SLC25A48: variants seen among roughly 807,000 people sequenced by gnomAD.
SLC25A48 encodes solute carrier family 25 member 48.
In SLC25A48, 29 loss-of-function variants were observed where a neutral mutation model predicts 32.2. That is an observed-to-expected ratio of 0.90 (90% CI 0.67 to 1.23). The LOEUF (loss-of-function observed/expected upper bound fraction) is 1.23. Ranked by LOEUF, SLC25A48 falls within the 50% of genes most tolerant of loss-of-function variation. SLC25A48 has a pLI of 0.00. For synonymous variants in SLC25A48, 164 were observed against 172.3 expected (o/e 0.95, Z 0.38); for missense variants, 399 against 422.7 (o/e 0.94, Z 0.49).
chr5:135,782,722 C>A lies in SLC25A48; in HGVS notation c.-520-29801C>A, dbSNP rs185911762. Among the ~76,000 whole-genome samples, 118 of 118,198 alleles carry A rather than the reference C, an allele frequency of 1.0e-3. 13 individuals carry two copies. The highest frequency in any genetic ancestry group is 2.8e-3 in the African/African-American group (109 of 38,916). The allele number at this position is 118,198 out of a possible 152,430, so 77.5% of individuals were successfully genotyped here. On this transcript the variant is annotated intron_variant, in intron 3 of 10. Transcript: ENST00000646290. ...TACTCCCAATAATGCAGGAGATGTA[C>A]ACTCCCACTATGATATTATTTCTAG...
chr5:135,620,987 T>A (rs948963886), intron 1 of SLC25A48, among the ~76,000 whole-genome samples: 1 of 152,184 alleles, frequency 6.6e-6, no homozygotes, highest in Non-Finnish European at 1.5e-5. Context: ...TCCTTCTCCT[T>A]CCAGATGATC....
chr5:135,767,940 T>G, intron 3 of SLC25A48, among the ~76,000 whole-genome samples: 1 of 146,936 alleles, frequency 6.8e-6, no homozygotes, highest in Non-Finnish European at 1.5e-5. Flanking sequence ...ACCCCTGTGA[T>G]ATTGTTTGTA....
intron 2 of SLC25A48, among the ~76,000 whole-genome samples, chr5:135,843,016 A>G (rs894872287): frequency 1.3e-5 from 2 of 152,120 alleles, no homozygotes; most frequent in Admixed American, 1.3e-4. Context: ...AGCCTCACAG[A>G]CCGTTTTCAA....
At chr5:135,597,950 G>A (rs529212771) in intron 1 of SLC25A48, among the ~76,000 whole-genome samples, 1 of 152,140 alleles carries the variant, frequency 6.6e-6, no homozygotes, top group Non-Finnish European at 1.5e-5. Flanking sequence ...GTTGCAGTGA[G>A]CTGAGACTGT....
At chr5:135,872,768 T>C (rs1761757153) in intron 5 of SLC25A48, 1 of 152,440 alleles carries the variant, frequency 6.6e-6, no homozygotes, top group African/African-American at 2.4e-5. Flanking sequence ...AAATCATGAA[T>C]CATCCTCCTC....
chr5:135,763,849 C>G (rs1756128122), intron 3 of SLC25A48, among the ~76,000 whole-genome samples: 1 of 151,996 alleles, frequency 6.6e-6, no homozygotes. Context: ...CAGCATCCGT[C>G]TCAATTTGTG....
In SLC25A48 at chr5:135,888,502, A is replaced by T. The variant is rs1327938535; in HGVS notation, c.*478A>T. 1 of 175,090 alleles carries T rather than the reference A, an allele frequency of 5.7e-6. No individual in the cohort carries two copies. Among genetic ancestry groups the T allele is most frequent in the Admixed American group, 5.7e-5 (1 of 17,514 alleles). 10.8% of individuals were successfully genotyped at this position (175,090 alleles called of 1,614,324 possible). ...TCCTGCACCCGTGGATCCTGAGGAC[A>T]GCGGTAGCGCCTTCCTCACCGCACG... is the stretch of plus-strand genomic sequence containing the variant. On this transcript the variant is annotated 3_prime_UTR_variant, in exon 8 of 8. Coordinates refer to ENST00000681962, the MANE Select transcript of SLC25A48 (RefSeq NM_001349336.2).
At chr5:135,837,151 C>G (rs1758605985) in intron 1 of SLC25A48, among the ~76,000 whole-genome samples, 1 of 152,034 alleles carries the variant, frequency 6.6e-6, no homozygotes, top group Non-Finnish European at 1.5e-5. Flanking sequence ...TAAGCCTGCC[C>G]TGAGCTGAAG....
chr5:135,886,298 AC>A (rs1554088409), intron 7 of SLC25A48, among the ~76,000 whole-genome samples: 2 of 99,606 alleles, frequency 2.0e-5, no homozygotes, highest in Admixed American at 1.0e-4. Context: ...CCCCTGCCAC[AC>A]CCCCTCCCCC....
chr5:135,776,113 T>C (rs181791906), intron 3 of SLC25A48, among the ~76,000 whole-genome samples: 1 of 151,568 alleles, frequency 6.6e-6, no homozygotes, highest in East Asian at 2.0e-4. Flanking sequence ...TGTTCCTAAT[T>C]CCAGGAAAGG....
intron 3 of SLC25A48, among the ~76,000 whole-genome samples, chr5:135,753,375 C>T (rs13163866): frequency 0.24 from 36,706 of 151,618 alleles, 4,838 homozygotes; most frequent in East Asian, 0.45. Context: ...GGACGTTATG[C>T]TTAGTATCAC....
chr5:135,867,131 A>C (rs1761263906), intron 4 of SLC25A48, among the ~76,000 whole-genome samples: 1 of 152,338 alleles, frequency 6.6e-6, no homozygotes, highest in Non-Finnish European at 1.5e-5. Flanking sequence ...CTCATTACAG[A>C]ATAAAAAATT....
chr5:135,859,104 G>A (rs576524235), intron 4 of SLC25A48, among the ~76,000 whole-genome samples: 4 of 152,254 alleles, frequency 2.6e-5, no homozygotes, highest in South Asian at 4.1e-4. Flanking sequence ...GACTCATCAC[G>A]ACAGGGAGCT....
chr5:135,672,785 A>G (rs998142002), intron 3 of SLC25A48, among the ~76,000 whole-genome samples: 2 of 152,206 alleles, frequency 1.3e-5, no homozygotes, highest in African/African-American at 4.8e-5. Context: ...AGACAAATGT[A>G]TATGCCAATG....
At chr5:135,762,011 C>G (rs1256844444) in intron 3 of SLC25A48, among the ~76,000 whole-genome samples, 1 of 152,170 alleles carries the variant, frequency 6.6e-6, no homozygotes, top group Non-Finnish European at 1.5e-5. Flanking sequence ...CATCTGTCTG[C>G]CGAAGGAACG....
intron 4 of SLC25A48, among the ~76,000 whole-genome samples, chr5:135,815,612 T>A (rs1050780083): frequency 6.6e-6 from 1 of 152,216 alleles, no homozygotes; most frequent in African/African-American, 2.4e-5. Flanking sequence ...TATTGTGGAA[T>A]GAAGAAAGCA....
chr5:135,888,255 G>A lies in SLC25A48; in HGVS notation c.*231G>A. 1.8e-6 allele frequency: 1 copy of A among 549,886 alleles called. No homozygotes were observed. The highest frequency in any genetic ancestry group is 3.2e-6 in the Non-Finnish European group (1 of 314,642). 34.1% of individuals were successfully genotyped at this position (549,886 alleles called of 1,614,324 possible). A position where few individuals can be genotyped will look rare whatever the true frequency, so the allele number is the denominator to read the frequency against. Reference sequence around the variant, plus strand: ...CTGATCCCCAATGCCCACTCTGCTAGGCTGGCATCAAAGAGCTTTCCAAGA... The same window carrying A: ...CTGATCCCCAATGCCCACTCTGCTAAGCTGGCATCAAAGAGCTTTCCAAGA... On this transcript the variant is annotated 3_prime_UTR_variant, in exon 8 of 8. Coordinates refer to ENST00000681962, the MANE Select transcript of SLC25A48 (RefSeq NM_001349336.2).
chr5:135,824,100 A>G (rs1217814822), intron 4 of SLC25A48, among the ~76,000 whole-genome samples: 1 of 152,136 alleles, frequency 6.6e-6, no homozygotes, highest in Non-Finnish European at 1.5e-5. Flanking sequence ...ATCTGGAGTC[A>G]CCCTGCAGGG....
At chr5:135,794,274 G>A (rs80131602) in intron 3 of SLC25A48, among the ~76,000 whole-genome samples, 3,552 of 151,088 alleles carry the variant, frequency 0.024, 57 homozygotes, top group Non-Finnish European at 0.031. Flanking sequence ...CCAATATTGC[G>A]GGGGATATCC....
Sources: gnomAD v4.1 joint callset for allele counts (sites outside exome capture counted in the v4.1 genomes callset) on GRCh38, gnomAD v4.1.1 for gene constraint, MANE v1.5 for transcripts, NCBI Gene and HGNC (gene_info 2026-07-23, HGNC 2026-07-21) for gene names.